Variants in ALS2 observed in about 807,000 individuals in gnomAD.
The protein encoded by ALS2 is alsin Rho guanine nucleotide exchange factor ALS2.
In ALS2, 117 loss-of-function variants were observed where a neutral mutation model predicts 203.4. The ratio of observed to expected loss-of-function variants is 0.58; its 90% confidence interval spans 0.50 to 0.67. ALS2 has a LOEUF of 0.67. Ranked by LOEUF, ALS2 falls within the 30% of genes least tolerant of loss-of-function variation. ALS2 has a pLI of 0.00. For missense variants in ALS2, 1,715 were observed against 1,989.4 expected (o/e 0.86, Z 2.62); for synonymous variants, 718 against 725.9 (o/e 0.99, Z 0.17).
Position 201,733,443 on chromosome 2 carries a change from A to T in ALS2, c.2418-5T>A. On this transcript the variant is annotated splice_region_variant and splice_polypyrimidine_tract_variant and intron_variant, in intron 12 of 33. Coordinates refer to ENST00000264276, the MANE Select transcript of ALS2 (RefSeq NM_020919.4). ...TGGTTTTTATTTAGGAAATCACTAG[A>T]GGCAGAGGAAAAAAAAATTTAGTTA... The T allele has an allele frequency of 1.9e-6, 3 of 1,612,982 alleles. No individual in the cohort carries two copies. The highest frequency in any genetic ancestry group is 2.5e-6 in the Non-Finnish European group (3 of 1,179,554).
intron 1 of ALS2, among the ~76,000 whole-genome samples, chr2:201,780,568 T>C (rs1291484203): frequency 6.6e-6 from 1 of 152,022 alleles, no homozygotes; most frequent in Non-Finnish European, 1.5e-5. Flanking sequence ...AGAGGGGGCT[T>C]GAAGGAATTT....
At chr2:201,759,791 T>C (rs1693647540) in intron 4 of ALS2, 2 of 985,128 alleles carry the variant, frequency 2.0e-6, no homozygotes, top group African/African-American at 3.5e-5. Context: ...GCTATGTGGT[T>C]TCAAAAACCT....
chr2:201,712,098 C>A (rs759795741), intron 25 of ALS2, among the ~76,000 whole-genome samples: 2 of 152,092 alleles, frequency 1.3e-5, no homozygotes, highest in Non-Finnish European at 2.9e-5. Flanking sequence ...AAAATTACTT[C>A]TTTCTACATT....
rs991715761 is a variant in ALS2, at chr2:201,708,683, A to AT, written c.4281-693dup. Among the ~76,000 whole-genome samples, 4 of 152,016 alleles carry AT rather than the reference A, an allele frequency of 2.6e-5. 1 individual carries two copies. The highest frequency in any genetic ancestry group is 9.7e-5 in the African/African-American group (4 of 41,374). ...GATCAAGGGGATAAATTGGTGAGGAATTTTTTTTCCTGGGCTTTGAGTTCT... is the reference window on the plus strand; with the variant it reads ...GATCAAGGGGATAAATTGGTGAGGAATTTTTTTTTCCTGGGCTTTGAGTTCT... On this transcript the variant is annotated intron_variant, in intron 27 of 33. Transcript: ENST00000264276.
intron 6 of ALS2, among the ~76,000 whole-genome samples, chr2:201,753,615 C>T (rs1365594856): frequency 2.6e-5 from 4 of 152,118 alleles, no homozygotes; most frequent in African/African-American, 9.7e-5. Context: ...TATATTAACT[C>T]ACTACTTTAG....
At chr2:201,722,245 T>C (rs989831906) in intron 23 of ALS2, 5 of 152,204 alleles carry the variant, frequency 3.3e-5, no homozygotes, top group Admixed American at 2.0e-4. Context: ...ATGTTCTACA[T>C]CATTAGTCAC....
intron 12 of ALS2, among the ~76,000 whole-genome samples, chr2:201,738,056 T>G (rs865889651): frequency 1.3e-5 from 2 of 152,050 alleles, no homozygotes; most frequent in African/African-American, 4.8e-5. Flanking sequence ...ATTCCAGCAC[T>G]TTGGGAGGCT....
At position 201,711,183 on chromosome 2, in the gene ALS2, C is replaced by T. The variant is rs78077917; in HGVS notation, c.4005-75G>A. 3.2e-3 allele frequency: 3,053 copies of T among 961,522 alleles called. 64 individuals carry two copies. In the African/African-American group the frequency reaches 0.042, roughly 13 times the overall value. 59.6% of individuals were successfully genotyped at this position (961,522 alleles called of 1,614,324 possible). On this transcript the variant is annotated intron_variant, in intron 25 of 33. Coordinates refer to ENST00000264276, the MANE Select transcript of ALS2 (RefSeq NM_020919.4). The stretch of plus-strand genomic sequence containing the variant: ...GATACGTGTAAATACTCACATGAAA[C>T]ACAATCACTAGCTCCAGTCAAAGTG...
intron 5 of ALS2, among the ~76,000 whole-genome samples, chr2:201,755,500 T>A (rs1401485846): frequency 6.6e-6 from 1 of 152,168 alleles, no homozygotes; most frequent in Admixed American, 6.5e-5. Context: ...TGATCTCAAG[T>A]AATCCTCCTG....
chr2:201,749,668 G>T, intron 8 of ALS2, 44 bp downstream of exon 8: 1 of 1,479,634 alleles, frequency 6.8e-7, no homozygotes, highest in Non-Finnish European at 9.5e-7. Context: ...AGGTGTTACA[G>T]CTAAGAATTG....
chr2:201,768,818 T>G, intron 2 of ALS2, 48 bp downstream of exon 2: 2 of 1,577,070 alleles, frequency 1.3e-6, no homozygotes, highest in South Asian at 2.2e-5. Context: ...TGAAGCTGTT[T>G]GCTATGTTTT....
At chr2:201,750,659 A>G (rs958034511) in intron 7 of ALS2, among the ~76,000 whole-genome samples, 9 of 152,236 alleles carry the variant, frequency 5.9e-5, no homozygotes, top group African/African-American at 2.2e-4. Flanking sequence ...ATTCATGGTC[A>G]TTGTACAAGA....
At chr2:201,729,705 C>A (rs1299680015) in intron 13 of ALS2, among the ~76,000 whole-genome samples, 1 of 151,676 alleles carries the variant, frequency 6.6e-6, no homozygotes, top group Non-Finnish European at 1.5e-5. Flanking sequence ...ACGGTAAAAC[C>A]CCGTATTCAC....
At chr2:201,778,692 G>GA (rs1301416283) in intron 1 of ALS2, among the ~76,000 whole-genome samples, 5 of 152,170 alleles carry the variant, frequency 3.3e-5, no homozygotes, top group African/African-American at 7.2e-5. Flanking sequence ...AGGGTTAAGA[G>GA]AAAAAAATCT....
intron 12 of ALS2, among the ~76,000 whole-genome samples, chr2:201,733,669 A>G (rs1691711630): frequency 1.3e-5 from 2 of 152,252 alleles, no homozygotes; most frequent in African/African-American, 4.8e-5. Context: ...ACGGTTAATC[A>G]CAGACTTGTG....
At chr2:201,702,886 C>T (rs1241686534) in intron 33 of ALS2, among the ~76,000 whole-genome samples, 4 of 152,118 alleles carry the variant, frequency 2.6e-5, no homozygotes, top group Admixed American at 1.3e-4. Context: ...GAGGCCAAGG[C>T]GGGTGGATCA....
At chr2:201,728,818 G>C (rs1411449863) in intron 14 of ALS2, among the ~76,000 whole-genome samples, 178 bp from the exon 15 acceptor site, 2 of 151,282 alleles carry the variant, frequency 1.3e-5, no homozygotes, top group East Asian at 2.0e-4. Flanking sequence ...GCTCAAAGGA[G>C]ATTAAAAAGA....
At chr2:201,714,499 G>A (rs994036824) in intron 25 of ALS2, among the ~76,000 whole-genome samples, 2 of 152,214 alleles carry the variant, frequency 1.3e-5, no homozygotes, top group Non-Finnish European at 2.9e-5. Flanking sequence ...GACTCTACCT[G>A]TGTCTTTTTC....
rs576920005 is a variant in ALS2 at position 201,724,324 on chromosome 2, T to C, written c.3483A>G (p.Ala1161=). The C allele has an allele frequency of 6.2e-7, 1 of 1,614,068 alleles. No homozygotes were observed. Among genetic ancestry groups the C allele is most frequent in the South Asian group, 1.1e-5 (1 of 91,090 alleles). ...FIGQWVMDKK[A]GYGVFDDITR... is the part of the protein sequence containing the mutation. The stretch of plus-strand genomic sequence containing the variant: ...TGATATCATCAAAGACACCATATCC[T>C]GCTTTCTTATCCATTACCCACTGGC... The change falls in exon 21 of 34, where the codon GCA becomes GCG. Residue 1161 remains alanine, a synonymous_variant. Coordinates refer to ENST00000264276, the MANE Select transcript of ALS2 (RefSeq NM_020919.4).
Sources: gnomAD v4.1 joint callset for allele counts (sites outside exome capture counted in the v4.1 genomes callset) on GRCh38, gnomAD v4.1.1 for gene constraint, MANE v1.5 for transcripts, NCBI Gene and HGNC (gene_info 2026-07-23, HGNC 2026-07-21) for gene names.